Variants in MALRD1 observed in about 807,000 individuals in gnomAD.
MALRD1 encodes the protein MAM and LDL-receptor class A domain-containing protein 1.
In MALRD1, 247 loss-of-function variants were observed where a neutral mutation model predicts 242.1. The observed-to-expected ratio is 1.02, with a 90% CI of 0.92 to 1.13. MALRD1 has a LOEUF of 1.13. Ranked by LOEUF, MALRD1 falls within the 50% of genes most tolerant of loss-of-function variation. MALRD1 has a pLI of 0.00. For synonymous variants in MALRD1, 995 were observed against 866.6 expected (o/e 1.15, Z -2.60); for missense variants, 2,989 against 2,533.1 (o/e 1.18, Z -3.86).
intron 18 of MALRD1, among the ~76,000 whole-genome samples, chr10:19,248,942 ATAATATAAATTATATATTATATATTTTG>A (rs1214780085): frequency 1.4e-5 from 2 of 146,802 alleles, no homozygotes; most frequent in South Asian, 4.2e-4. Context: ...TTATATATTT[ATAATATAAATTATATATTATATATTTTG>A]TAATATAAAT....
rs1440372461 is a variant in MALRD1, at chr10:19,671,424, C to T, written c.6138-20858C>T. On this transcript the variant is annotated intron_variant, in intron 36 of 39. Transcript: ENST00000454679. ...CCTGAGGTTAGAAGTTCGAGACCAG[C>T]CCGACCAACATGGCAAAACCTCATC... 3.9e-5 allele frequency among the ~76,000 whole-genome samples: 6 copies of T among 152,132 alleles called. No homozygotes were observed. In the South Asian group the frequency reaches 1.2e-3, roughly 32 times the overall value.
At chr10:19,614,515 A>G (rs970657312) in intron 35 of MALRD1, among the ~76,000 whole-genome samples, 1 of 152,008 alleles carries the variant, frequency 6.6e-6, no homozygotes, top group Non-Finnish European at 1.5e-5. Flanking sequence ...TGTGTTAAGT[A>G]AAAACAAAAG....
chr10:19,282,710 T>C (rs1840877280), intron 20 of MALRD1, among the ~76,000 whole-genome samples: 1 of 152,146 alleles, frequency 6.6e-6, no homozygotes, highest in Non-Finnish European at 1.5e-5. Context: ...ATGCAAGCAA[T>C]GAAATTGCTT....
At chr10:19,409,022 G>C (rs1043589724) in intron 28 of MALRD1, among the ~76,000 whole-genome samples, 1 of 152,172 alleles carries the variant, frequency 6.6e-6, no homozygotes, top group African/African-American at 2.4e-5. Context: ...TCTGTTAACT[G>C]TACTAGCCAT....
intron 34 of MALRD1, among the ~76,000 whole-genome samples, chr10:19,605,022 CT>C: frequency 6.6e-6 from 1 of 152,146 alleles, no homozygotes; most frequent in South Asian, 2.1e-4. Context: ...TCCTAGTTTA[CT>C]TGGTTTGCAA....
rs147612682 is a variant in MALRD1, at chr10:19,529,216, T to G, written c.5321-1978T>G. On this transcript the variant is annotated intron_variant, in intron 31 of 39. Coordinates refer to ENST00000454679, the MANE Select transcript of MALRD1 (RefSeq NM_001142308.3). ...AGGCCTGCCTTCAAGAAAAACTATTTTACCAGAACCTAACCAACCTAGGGG... is the reference window on the plus strand; with the variant it reads ...AGGCCTGCCTTCAAGAAAAACTATTGTACCAGAACCTAACCAACCTAGGGG... Among the ~76,000 whole-genome samples, 255 of 152,284 alleles carry G rather than the reference T, an allele frequency of 1.7e-3. 1 individual carries two copies. The highest frequency in any genetic ancestry group is 5.6e-3 in the African/African-American group (234 of 41,578).
At chr10:19,354,795 G>C (rs1844550943) in intron 26 of MALRD1, among the ~76,000 whole-genome samples, 2 of 152,046 alleles carry the variant, frequency 1.3e-5, no homozygotes, top group East Asian at 1.9e-4. Context: ...TTGAGGTGAT[G>C]GTTATCCCAA....
At chr10:19,260,286 T>C (rs76663048) in intron 19 of MALRD1, among the ~76,000 whole-genome samples, 3 of 109,352 alleles carry the variant, frequency 2.7e-5, no homozygotes, top group Admixed American at 8.3e-5. Context: ...GACAGACAGA[T>C]AGATAGACAG....
chr10:19,456,829 A>G (rs752815085), intron 29 of MALRD1, among the ~76,000 whole-genome samples: 4 of 151,332 alleles, frequency 2.6e-5, no homozygotes, highest in East Asian at 1.9e-4. Flanking sequence ...CTGGAGTGCA[A>G]TGGCACGATC....
intron 25 of MALRD1, among the ~76,000 whole-genome samples, chr10:19,350,416 G>A (rs1460878225): frequency 1.5e-4 from 22 of 151,542 alleles, no homozygotes; most frequent in African/African-American, 2.9e-4. Context: ...GACTGCAGTC[G>A]CACACCACCA....
intron 36 of MALRD1, among the ~76,000 whole-genome samples, chr10:19,651,558 C>T (rs1416352343): frequency 6.6e-6 from 1 of 152,036 alleles, no homozygotes; most frequent in African/African-American, 2.4e-5. Context: ...TCATACAAAA[C>T]AAACAAACAA....
chr10:19,687,151 AC>A (rs1486861581), intron 36 of MALRD1, among the ~76,000 whole-genome samples: 2 of 152,190 alleles, frequency 1.3e-5, no homozygotes, highest in Non-Finnish European at 2.9e-5. Flanking sequence ...TGACGTTAAA[AC>A]AAACAAGCAT....
At chr10:19,588,606 T>A (rs558451852) in intron 33 of MALRD1, among the ~76,000 whole-genome samples, 1 of 152,326 alleles carries the variant, frequency 6.6e-6, no homozygotes, top group East Asian at 1.9e-4. Flanking sequence ...AAAACTAATT[T>A]GTACACTGAT....
intron 24 of MALRD1, among the ~76,000 whole-genome samples, chr10:19,346,541 C>T (rs1350022596): frequency 6.6e-6 from 1 of 152,182 alleles, no homozygotes; most frequent in Non-Finnish European, 1.5e-5. Context: ...TATGATTTTA[C>T]AGACTTTTAT....
At chr10:19,317,379 C>T (rs1842750415) in intron 21 of MALRD1, among the ~76,000 whole-genome samples, 1 of 151,846 alleles carries the variant, frequency 6.6e-6, no homozygotes, top group Non-Finnish European at 1.5e-5. Context: ...TCCCAGTGGC[C>T]CCACTCCTTA....
intron 24 of MALRD1, among the ~76,000 whole-genome samples, chr10:19,341,300 T>A (rs4559584): frequency 6.6e-6 from 1 of 151,566 alleles, no homozygotes; most frequent in African/African-American, 2.4e-5. Context: ...TATTATGATA[T>A]GTCTGGCATT....
At chr10:19,314,378 G>T (rs2047157758) in intron 21 of MALRD1, among the ~76,000 whole-genome samples, 1 of 151,576 alleles carries the variant, frequency 6.6e-6, no homozygotes, top group Non-Finnish European at 1.5e-5. Context: ...TACTGTGGAA[G>T]ATTAGTAAGT....
At chr10:19,441,852 T>C (rs543123064) in intron 28 of MALRD1, among the ~76,000 whole-genome samples, 1 of 152,346 alleles carries the variant, frequency 6.6e-6, no homozygotes, top group South Asian at 2.1e-4. Context: ...AAAGTAGTTT[T>C]TTTCCAATTC....
At chr10:19,290,760 T>G (rs551743820) in intron 21 of MALRD1, among the ~76,000 whole-genome samples, 1 of 152,286 alleles carries the variant, frequency 6.6e-6, no homozygotes, top group Admixed American at 6.5e-5. Context: ...TATTATTTGC[T>G]TATCATTGAA....
Sources: allele counts gnomAD v4.1 joint callset (sites outside exome capture counted in the v4.1 genomes callset), GRCh38; gene constraint gnomAD v4.1.1; transcripts MANE v1.5; gene names NCBI Gene and HGNC (gene_info 2026-07-23, HGNC 2026-07-21).